The following IL1RL2 variants were observed in gnomAD, a reference collection of about 807,000 sequenced individuals.
IL1RL2 encodes interleukin 1 receptor like 2, also known as interleukin-1 receptor-like 2.
A neutral mutation model predicts 66.8 loss-of-function variants in IL1RL2; 68 were observed. That is an observed-to-expected ratio of 1.02 (90% CI 0.84 to 1.25). The LOEUF (loss-of-function observed/expected upper bound fraction) is 1.25. IL1RL2 is among the 50% of genes most tolerant of loss of function. The pLI, the probability that IL1RL2 is intolerant of heterozygous loss-of-function variation, is 0.00. For missense variants in IL1RL2, 729 were observed against 709.3 expected (o/e 1.03, Z -0.32); for synonymous variants, 305 against 264.6 (o/e 1.15, Z -1.48).
intron 2 of IL1RL2, among the ~76,000 whole-genome samples, chr2:102,188,465 G>C (rs1686912161): frequency 6.6e-6 from 1 of 151,396 alleles, no homozygotes. Context: ...GCGGGCGCCT[G>C]TAGTCCCAGC....
intron 9 of IL1RL2, among the ~76,000 whole-genome samples, chr2:102,231,764 C>T (rs1022349897): frequency 2.0e-5 from 3 of 152,254 alleles, no homozygotes; most frequent in East Asian, 1.9e-4. Flanking sequence ...CTGATGACGA[C>T]GACATGCGCC....
At chr2:102,222,996 C>T (rs995514) in intron 8 of IL1RL2, among the ~76,000 whole-genome samples, 42,642 of 152,066 alleles carry the variant, frequency 0.28, 6,617 homozygotes, top group East Asian at 0.39. Flanking sequence ...CACTGTGTTC[C>T]GAAGGATTCT....
intron 3 of IL1RL2, among the ~76,000 whole-genome samples, chr2:102,189,792 A>G (rs1054497815): frequency 1.3e-5 from 2 of 152,144 alleles, no homozygotes; most frequent in African/African-American, 4.8e-5. Flanking sequence ...AGCTGGGATT[A>G]TAGGCGCAAG....
At chr2:102,201,365 T>A (rs1027610893) in intron 4 of IL1RL2, among the ~76,000 whole-genome samples, 191 bp from the exon 5 acceptor site, 30 of 152,188 alleles carry the variant, frequency 2.0e-4, no homozygotes, top group Non-Finnish European at 1.5e-5. Context: ...ACACATTATA[T>A]ACAGACTAGG....
At chr2:102,197,866 G>GTGTA (rs1450206602) in intron 4 of IL1RL2, among the ~76,000 whole-genome samples, 10 of 152,208 alleles carry the variant, frequency 6.6e-5, no homozygotes, top group Non-Finnish European at 1.2e-4. Flanking sequence ...ATTGCAGGTG[G>GTGTA]TGTATTTCAG....
At chr2:102,237,424 C>T (rs796485465) in intron 11 of IL1RL2, among the ~76,000 whole-genome samples, 6 of 152,334 alleles carry the variant, frequency 3.9e-5, no homozygotes, top group African/African-American at 1.4e-4. Context: ...ACGAAGCGTC[C>T]TCAGCCAGCC....
At position 102,233,122 on chromosome 2, in the gene IL1RL2, A is replaced by G. The variant is rs1215302339; in HGVS notation, c.1295A>G (p.Gln432Arg). The G allele has an allele frequency of 1.2e-6, 2 of 1,609,688 alleles. No individual in the cohort carries two copies. The highest frequency in any genetic ancestry group is 1.7e-6 in the Non-Finnish European group (2 of 1,176,612). The part of the protein sequence containing the change: ...FIFGRDEFPG[Q>R]AVANVIDENV... The stretch of plus-strand genomic sequence containing the variant: ...TTCGGCAGAGATGAATTCCCTGGAC[A>G]AGGTGGGTTTTAAGTGAGGTGTAAA... Residue 432 changes from glutamine (Q) to arginine (R), a missense_variant and splice_region_variant, in exon 10 of 12, where the codon CAA becomes CGA. Physicochemically the swap from Gln to Arg is conservative, Grantham distance 43 (BLOSUM62 1). Coordinates refer to ENST00000264257, the MANE Select transcript of IL1RL2 (RefSeq NM_003854.4).
In IL1RL2 at chr2:102,235,081, C is replaced by G. The variant is rs1319914499; in HGVS notation, c.1482C>G (p.Tyr494Ter). ...TTGAGCTGGAGAAAATCGAGGACTA[C>G]ACAGTCATGCCAGAGTCAATTCAGT... ...ILIELEKIED[Y>*]TVMPESIQYI... Residue 494 changes from tyrosine to a stop codon, truncating the protein, a stop_gained, in exon 11 of 12, where the codon TAC becomes TAG. Coordinates refer to ENST00000264257, the MANE Select transcript of IL1RL2 (RefSeq NM_003854.4). LOFTEE classifies it high-confidence loss of function. The G allele has an allele frequency of 6.2e-7, 1 of 1,614,200 alleles. No individual in the cohort carries two copies. Among genetic ancestry groups the G allele is most frequent in the Non-Finnish European group, 8.5e-7 (1 of 1,180,046 alleles).
chr2:102,197,868 G>A (rs1057361533), intron 4 of IL1RL2, among the ~76,000 whole-genome samples: 7 of 152,212 alleles, frequency 4.6e-5, no homozygotes, highest in Non-Finnish European at 1.0e-4. Flanking sequence ...TGCAGGTGGT[G>A]TATTTCAGAG....
intron 3 of IL1RL2, among the ~76,000 whole-genome samples, chr2:102,189,912 A>T (rs1687083369): frequency 6.6e-6 from 1 of 152,210 alleles, no homozygotes; most frequent in Admixed American, 6.5e-5. Flanking sequence ...TTGGCCTCCC[A>T]AAGTGCTGGG....
chr2:102,189,534 AC>A (rs1178290067), intron 3 of IL1RL2, among the ~76,000 whole-genome samples: 1 of 152,238 alleles, frequency 6.6e-6, no homozygotes, highest in African/African-American at 2.4e-5. Context: ...GGCACCTCAG[AC>A]CAGACCCACT....
At chr2:102,236,931 G>A (rs1559569510) in intron 11 of IL1RL2, among the ~76,000 whole-genome samples, 1 of 152,240 alleles carries the variant, frequency 6.6e-6, no homozygotes, top group East Asian at 1.9e-4. Flanking sequence ...TCCAGTTAAA[G>A]AATTTACCAA....
intron 5 of IL1RL2, among the ~76,000 whole-genome samples, chr2:102,207,437 A>G (rs2310236): frequency 0.28 from 42,658 of 151,946 alleles, 6,615 homozygotes; most frequent in East Asian, 0.39. Flanking sequence ...TGGCACAAGG[A>G]CTCTTAAGTT....
chr2:102,196,300 T>C (rs910215544), intron 4 of IL1RL2, among the ~76,000 whole-genome samples: 2 of 152,088 alleles, frequency 1.3e-5, no homozygotes, highest in African/African-American at 4.8e-5. Context: ...GGCTTGCAAA[T>C]GTAGGCAAAA....
intron 2 of IL1RL2, among the ~76,000 whole-genome samples, 163 bp downstream of exon 2, chr2:102,188,088 A>C (rs1686859789): frequency 6.6e-6 from 1 of 151,444 alleles, no homozygotes; most frequent in Non-Finnish European, 1.5e-5. Context: ...AACCAGCTCC[A>C]CGTGCTCGGA....
rs372684826 is a variant in IL1RL2, at chr2:102,217,642, A to T, written c.725-1311A>T. Among the ~76,000 whole-genome samples, 3 of 152,294 alleles carry T rather than the reference A, an allele frequency of 2.0e-5. No homozygotes were observed. The East Asian group carries it at 5.8e-4, about 29-fold the overall frequency. On this transcript the variant is annotated intron_variant, in intron 6 of 11. Coordinates refer to ENST00000264257, the MANE Select transcript of IL1RL2 (RefSeq NM_003854.4). The stretch of plus-strand genomic sequence containing the variant: ...AAATAAGTCCACAAATCAACAGCCA[A>T]CTGATATTTGACAAAAGTGCCAGGA...
At chr2:102,227,029 A>G (rs542378644) in intron 9 of IL1RL2, among the ~76,000 whole-genome samples, 3 of 151,934 alleles carry the variant, frequency 2.0e-5, no homozygotes, top group African/African-American at 2.4e-5. Context: ...TGTGATCCTG[A>G]CTCTCTGAGA....
intron 5 of IL1RL2, among the ~76,000 whole-genome samples, chr2:102,208,927 A>C (rs752289804): frequency 7.2e-5 from 11 of 152,194 alleles, no homozygotes; most frequent in South Asian, 6.2e-4. Flanking sequence ...TATCTCTCTG[A>C]AAGAAAGCAC....
intron 4 of IL1RL2, among the ~76,000 whole-genome samples, chr2:102,199,523 C>G (rs1488994494): frequency 6.6e-6 from 1 of 152,166 alleles, no homozygotes; most frequent in Non-Finnish European, 1.5e-5. Context: ...CGCTATTGTT[C>G]TTAACATTTT....
Sources: gnomAD v4.1 joint callset for allele counts (sites outside exome capture counted in the v4.1 genomes callset) on GRCh38, gnomAD v4.1.1 for gene constraint, MANE v1.5 for transcripts, NCBI Gene and HGNC (gene_info 2026-07-23, HGNC 2026-07-21) for gene names.